The following CEP112 variants were observed in gnomAD, a reference collection of about 807,000 sequenced individuals.
The protein encoded by CEP112 is centrosomal protein of 112 kDa.
CEP112 carries 127 observed loss-of-function variants against 153.0 expected under a neutral mutation model. The ratio of observed to expected loss-of-function variants is 0.83; its 90% CI spans 0.72 to 0.96. The LOEUF is 0.96. Among genes scored for constraint, CEP112 ranks in the 40% least tolerant of loss-of-function variants. CEP112 has a pLI of 0.00. For missense variants in CEP112, 1,089 were observed against 1,101.2 expected (o/e 0.99, Z 0.16); for synonymous variants, 358 against 374.4 (o/e 0.96, Z 0.51).
chr17:65,981,344 A>G (rs2063218146), intron 17 of CEP112, among the ~76,000 whole-genome samples: 1 of 152,178 alleles, frequency 6.6e-6, no homozygotes, highest in Non-Finnish European at 1.5e-5. Context: ...TATGAAACTT[A>G]TTTTCTGAGT....
At chr17:65,771,843 C>T (rs1271995870) in intron 21 of CEP112, among the ~76,000 whole-genome samples, 1 of 151,734 alleles carries the variant, frequency 6.6e-6, no homozygotes, top group Non-Finnish European at 1.5e-5. Context: ...AGTGAGACCC[C>T]ATGTCTAAGA....
intron 18 of CEP112, among the ~76,000 whole-genome samples, chr17:65,950,571 T>C (rs2061789405): frequency 6.6e-6 from 1 of 152,134 alleles, no homozygotes; most frequent in South Asian, 2.1e-4. Context: ...ACATATTTTA[T>C]CCTGCAAGCT....
rs965907989 is a variant in CEP112 at position 65,655,062 on chromosome 17, CA to C, written c.2698-13998del. On this transcript the variant is annotated intron_variant, in intron 24 of 26. Coordinates refer to ENST00000535342, the MANE Select transcript of CEP112 (RefSeq NM_001199165.4). The stretch of plus-strand genomic sequence containing the variant: ...ACTCTTGACACTGGAGATCCAGAAC[CA>C]AAACCTATGATCATTGGCACCAATA... 5 of 686,886 alleles carry C rather than the reference CA, an allele frequency of 7.3e-6. No individual in the cohort carries two copies. In the African/African-American group the frequency reaches 8.8e-5, roughly 12 times the overall value. 42.5% of individuals were successfully genotyped at this position (686,886 alleles called of 1,614,324 possible).
chr17:66,059,307 C>T (rs970394213), intron 11 of CEP112, among the ~76,000 whole-genome samples: 3 of 151,892 alleles, frequency 2.0e-5, no homozygotes, highest in Non-Finnish European at 2.9e-5. Context: ...ACAAGTGGGA[C>T]GTAATTAAAA....
intron 23 of CEP112, among the ~76,000 whole-genome samples, chr17:65,696,139 T>A (rs1157987485): frequency 6.6e-6 from 1 of 152,020 alleles, no homozygotes; most frequent in Non-Finnish European, 1.5e-5. Flanking sequence ...GCTTGTAGAG[T>A]CGCATTCTTG....
At chr17:65,754,838 C>T (rs923832064) in intron 21 of CEP112, among the ~76,000 whole-genome samples, 4 of 152,190 alleles carry the variant, frequency 2.6e-5, no homozygotes, top group Non-Finnish European at 2.9e-5. Flanking sequence ...TGCACTGCTA[C>T]AAACCAAACA....
At chr17:66,038,720 G>A (rs4527056) in intron 12 of CEP112, among the ~76,000 whole-genome samples, 78,274 of 152,046 alleles carry the variant, frequency 0.51, 21,074 homozygotes, top group African/African-American at 0.59. Context: ...TGTATGAACA[G>A]GATATCTTCC....
At chr17:65,783,068 T>A (rs1202697481) in intron 21 of CEP112, among the ~76,000 whole-genome samples, 1 of 151,360 alleles carries the variant, frequency 6.6e-6, no homozygotes, top group Non-Finnish European at 1.5e-5. Flanking sequence ...TTACTACTTT[T>A]CAAGAAAATA....
chr17:65,664,669 G>A (rs768734210), intron 24 of CEP112, among the ~76,000 whole-genome samples: 4 of 152,196 alleles, frequency 2.6e-5, no homozygotes, highest in Non-Finnish European at 5.9e-5. Context: ...AGCAGGTAGA[G>A]CCCAAGACAA....
intron 6 of CEP112, among the ~76,000 whole-genome samples, chr17:66,111,784 T>C (rs1229406237): frequency 1.3e-5 from 2 of 152,128 alleles, no homozygotes; most frequent in African/African-American, 4.8e-5. Flanking sequence ...GGTGATGACA[T>C]GTGTTTACCT....
At chr17:65,827,575 A>AT (rs1272273325) in intron 21 of CEP112, among the ~76,000 whole-genome samples, 1 of 152,160 alleles carries the variant, frequency 6.6e-6, no homozygotes, top group Non-Finnish European at 1.5e-5. Flanking sequence ...AGCTAGAATG[A>AT]TCTTTTAAAG....
chr17:65,784,366 G>T (rs1015174191), intron 21 of CEP112, among the ~76,000 whole-genome samples: 5 of 152,150 alleles, frequency 3.3e-5, no homozygotes, highest in Admixed American at 2.6e-4. Context: ...GTAGATTCTG[G>T]TTACTCTTTC....
intron 18 of CEP112, 119 bp downstream of exon 18, chr17:65,961,344 T>A: frequency 2.1e-6 from 2 of 957,468 alleles, no homozygotes; most frequent in Non-Finnish European, 1.5e-6. Context: ...CCCGATTGTA[T>A]GGCTAATTTT....
intron 8 of CEP112, among the ~76,000 whole-genome samples, chr17:66,089,153 A>C (rs1053518600): frequency 1.3e-5 from 2 of 152,148 alleles, no homozygotes; most frequent in African/African-American, 4.8e-5. Flanking sequence ...AATAGGCCAA[A>C]CAGCCTGCCC....
intron 17 of CEP112, among the ~76,000 whole-genome samples, chr17:66,003,189 GATAA>G (rs1568365047): frequency 6.6e-6 from 1 of 152,162 alleles, no homozygotes; most frequent in African/African-American, 2.4e-5. Flanking sequence ...ATGGAAGATG[GATAA>G]ATAATCTACA....
intron 1 of CEP112, among the ~76,000 whole-genome samples, chr17:66,188,389 A>G (rs1423485035): frequency 1.4e-5 from 2 of 148,070 alleles, no homozygotes; most frequent in East Asian, 4.1e-4. Flanking sequence ...ACTCCTCACC[A>G]TGGTCAAACC....
intron 21 of CEP112, among the ~76,000 whole-genome samples, chr17:65,827,688 A>C (rs1267310833): frequency 6.6e-6 from 1 of 152,142 alleles, no homozygotes; most frequent in Non-Finnish European, 1.5e-5. Flanking sequence ...GCCCTACATG[A>C]CCAGGCCTTG....
intron 23 of CEP112, among the ~76,000 whole-genome samples, chr17:65,707,187 G>A (rs1380973833): frequency 6.6e-6 from 1 of 152,146 alleles, no homozygotes; most frequent in African/African-American, 2.4e-5. Context: ...TTATGTAGGA[G>A]TTATCATTGA....
At chr17:66,161,400 C>G (rs565797125) in intron 4 of CEP112, among the ~76,000 whole-genome samples, 1 of 152,278 alleles carries the variant, frequency 6.6e-6, no homozygotes, top group South Asian at 2.1e-4. Flanking sequence ...TATTTCTGCA[C>G]TGTTCACAAT....
Sources: allele counts gnomAD v4.1 joint callset (sites outside exome capture counted in the v4.1 genomes callset), GRCh38; gene constraint gnomAD v4.1.1; transcripts MANE v1.5; gene names NCBI Gene and HGNC (gene_info 2026-07-23, HGNC 2026-07-21).